AFTPH: variants seen among roughly 807,000 people sequenced by gnomAD.
AFTPH encodes the protein aftiphilin protein.
AFTPH carries 7 observed loss-of-function variants against 72.5 expected under a neutral mutation model. That is an observed-to-expected ratio of 0.10 (90% CI 0.05 to 0.18). The LOEUF (loss-of-function observed/expected upper bound fraction) is 0.18. AFTPH is among the 10% of genes least tolerant of loss of function. AFTPH has a pLI of 1.00. For synonymous variants in AFTPH, 337 were observed against 370.1 expected (o/e 0.91, Z 1.03); for missense variants, 979 against 1,060.5 (o/e 0.92, Z 1.07).
chr2:64,553,950 A>C (rs1350767653), intron 2 of AFTPH, among the ~76,000 whole-genome samples: 1 of 152,162 alleles, frequency 6.6e-6, no homozygotes, highest in Non-Finnish European at 1.5e-5. Context: ...AGTGAATTGA[A>C]GAACAGAAAA....
chr2:64,579,421 TAAGGA>T, intron 6 of AFTPH, 60 bp from the exon 7 acceptor site: 2 of 1,335,656 alleles, frequency 1.5e-6, no homozygotes, highest in African/African-American at 1.5e-5. Context: ...TTTTTTTTTT[TAAGGA>T]TTCTTTACGT....
In AFTPH at chr2:64,567,556, A is replaced by T. The variant is rs376225300; in HGVS notation, c.1936-6A>T. The T allele has an allele frequency of 2.7e-5, 43 of 1,595,648 alleles. No individual in the cohort carries two copies. Among genetic ancestry groups the T allele is most frequent in the Admixed American group, 2.6e-4 (14 of 54,696 alleles). ...AAATAAACTTTTGGGGGGTGTTTTG[A>T]TGCAGACAGCTTTATTAAACCGCCT... On this transcript the variant is annotated splice_polypyrimidine_tract_variant and splice_region_variant and intron_variant, in intron 2 of 8. Transcript: ENST00000238856.
intron 1 of AFTPH, among the ~76,000 whole-genome samples, chr2:64,548,332 G>T (rs1414647564): frequency 1.4e-5 from 2 of 141,768 alleles, no homozygotes; most frequent in African/African-American, 5.2e-5. Flanking sequence ...AGCGGAGCTT[G>T]CAGTGAGCCG....
intron 1 of AFTPH, among the ~76,000 whole-genome samples, chr2:64,543,069 G>A (rs771129086): frequency 7.2e-5 from 11 of 152,210 alleles, no homozygotes; most frequent in Non-Finnish European, 1.3e-4. Context: ...GCTGTGGAGA[G>A]AATAATTTTA....
At chr2:64,590,580 AAT>A (rs1673767595) in intron 8 of AFTPH, among the ~76,000 whole-genome samples, 1 of 152,220 alleles carries the variant, frequency 6.6e-6, no homozygotes. Flanking sequence ...ACGTCCACAT[AAT>A]AGTTTTGCCA....
At chr2:64,579,270 A>G (rs1244196315) in intron 6 of AFTPH, among the ~76,000 whole-genome samples, 6 of 152,342 alleles carry the variant, frequency 3.9e-5, no homozygotes, top group South Asian at 2.1e-4. Context: ...CCCAGATACA[A>G]CTTTTTAAAT....
In AFTPH at chr2:64,573,072, A is replaced by G. The variant is rs2104101861; in HGVS notation, c.2394+4A>G. On this transcript the variant is annotated splice_donor_region_variant and intron_variant, in intron 6 of 8. Coordinates refer to ENST00000238856, the Ensembl canonical transcript of AFTPH. ...ATGTACATCTGATCAGTTCCAGGTA[A>G]AAATATCTATATGTGTATAAATATG... 6.2e-7 allele frequency: 1 copy of G among 1,612,136 alleles called. No homozygotes were observed. The highest frequency in any genetic ancestry group is 8.5e-7 in the Non-Finnish European group (1 of 1,178,226).
chr2:64,538,221 A>G (rs1419868448), intron 1 of AFTPH, among the ~76,000 whole-genome samples: 1 of 152,146 alleles, frequency 6.6e-6, no homozygotes, highest in Non-Finnish European at 1.5e-5. Context: ...CCAATTCTCA[A>G]GTTGTTTCTA....
At chr2:64,527,428 A>G (rs777149101) in intron 1 of AFTPH, among the ~76,000 whole-genome samples, 10 of 152,130 alleles carry the variant, frequency 6.6e-5, no homozygotes, top group Non-Finnish European at 1.2e-4. Flanking sequence ...TGAAAATACA[A>G]AATTAGCCGG....
chr2:64,552,194 G>A, exon 2 of AFTPH: 1 of 1,613,876 alleles, frequency 6.2e-7, no homozygotes, highest in Non-Finnish European at 8.5e-7. Context: ...TTTCCAAAAA[G>A]GAAAGGATAC....
chr2:64,589,878 C>T (rs1673714331), intron 8 of AFTPH, among the ~76,000 whole-genome samples: 1 of 147,954 alleles, frequency 6.8e-6, no homozygotes. Flanking sequence ...CACATTCTTA[C>T]CATTCAGGAT....
chr2:64,537,574 G>C (rs919708343), intron 1 of AFTPH, among the ~76,000 whole-genome samples: 1 of 152,144 alleles, frequency 6.6e-6, no homozygotes, highest in Non-Finnish European at 1.5e-5. Flanking sequence ...GACCAGAAAA[G>C]TTAATGTTTG....
chr2:64,541,660 T>G (rs1253316434), intron 1 of AFTPH, among the ~76,000 whole-genome samples: 1 of 152,198 alleles, frequency 6.6e-6, no homozygotes, highest in African/African-American at 2.4e-5. Flanking sequence ...GACCTTAAAA[T>G]TTCCATAAGG....
At chr2:64,560,761 T>C (rs1317301009) in intron 2 of AFTPH, among the ~76,000 whole-genome samples, 1 of 152,078 alleles carries the variant, frequency 6.6e-6, no homozygotes, top group South Asian at 2.1e-4. Flanking sequence ...TAATTTGAGC[T>C]ATTCGGGAGG....
At chr2:64,561,299 C>A (rs1195267068) in intron 2 of AFTPH, among the ~76,000 whole-genome samples, 24 of 152,158 alleles carry the variant, frequency 1.6e-4, no homozygotes, top group Non-Finnish European at 1.5e-5. Flanking sequence ...ATTCAGCTAG[C>A]CAGTCATCAG....
chr2:64,587,479 T>G (rs1314590070), intron 8 of AFTPH, among the ~76,000 whole-genome samples: 1 of 152,264 alleles, frequency 6.6e-6, no homozygotes, highest in Non-Finnish European at 1.5e-5. Flanking sequence ...GAAAGCATTT[T>G]TAGTATCTTA....
At chr2:64,583,207 T>C (rs1326026989) in intron 7 of AFTPH, among the ~76,000 whole-genome samples, 1 of 152,112 alleles carries the variant, frequency 6.6e-6, no homozygotes, top group African/African-American at 2.4e-5. Flanking sequence ...CATTTCGTCT[T>C]AGCTTGCGGT....
intron 3 of AFTPH, among the ~76,000 whole-genome samples, 188 bp downstream of exon 3, chr2:64,567,901 G>T (rs1011274414): frequency 6.6e-6 from 1 of 152,100 alleles, no homozygotes; most frequent in Non-Finnish European, 1.5e-5. Flanking sequence ...AATTAGCAGG[G>T]TATGGTGGCA....
At chr2:64,527,450 C>T (rs998920381) in intron 1 of AFTPH, among the ~76,000 whole-genome samples, 3 of 152,040 alleles carry the variant, frequency 2.0e-5, no homozygotes, top group East Asian at 1.9e-4. Flanking sequence ...TGTGGTGGCA[C>T]ATGCCTATAA....
Sources: allele counts gnomAD v4.1 joint callset (sites outside exome capture counted in the v4.1 genomes callset), GRCh38; gene constraint gnomAD v4.1.1; transcripts MANE v1.5; gene names NCBI Gene and HGNC (gene_info 2026-07-23, HGNC 2026-07-21).